MYH9: variants seen among roughly 807,000 people sequenced by gnomAD.
The protein encoded by MYH9 is myosin heavy chain 9.
MYH9 carries 29 observed loss-of-function variants against 241.9 expected under a neutral mutation model. The observed-to-expected ratio is 0.12, with a 90% CI of 0.09 to 0.16. The LOEUF (loss-of-function observed/expected upper bound fraction) is 0.16, where lower values mean the gene tolerates loss of function less well. Ranked by LOEUF, MYH9 falls within the 10% of genes least tolerant of loss-of-function variation. The pLI, the probability that MYH9 is intolerant of heterozygous loss-of-function variation, is 1.00. For synonymous variants in MYH9, 1,047 were observed against 1,062.6 expected, an observed-to-expected ratio of 0.99 and a Z score of 0.29; for missense variants, 1,803 against 2,595.5, an observed-to-expected ratio of 0.69 and a Z score of 6.63.
In MYH9 at chr22:36,300,781, C is replaced by T; in HGVS notation, c.2838+70G>A. The T allele has an allele frequency of 6.4e-7, 1 of 1,561,920 alleles. No individual in the cohort carries two copies. Among genetic ancestry groups the T allele is most frequent in the Non-Finnish European group, 8.7e-7 (1 of 1,148,710 alleles). On this transcript the variant is annotated intron_variant, in intron 22 of 40. Transcript: ENST00000216181. The surrounding 1 kb of genome is among the most constrained non-coding windows in gnomAD (Gnocchi z 5.0). ...CCCTAATTCCATGTTCTCCCAGCTC[C>T]TGGTTCCTGCTCCTCCGCCCCGCCC...
intron 27 of MYH9, 30 bp downstream of exon 27, chr22:36,294,902 T>G: frequency 6.2e-7 from 1 of 1,607,908 alleles, no homozygotes; most frequent in East Asian, 2.2e-5. Flanking sequence ...AACCCTGCCC[T>G]CCCCCTGCGG....
chr22:36,344,026 C>T (rs902610466), intron 2 of MYH9, among the ~76,000 whole-genome samples: 1 of 152,246 alleles, frequency 6.6e-6, no homozygotes, highest in African/African-American at 2.4e-5. Flanking sequence ...GTCATTAGGA[C>T]AAGTCTTTCT....
chr22:36,380,032 G>A (rs1469910120), intron 1 of MYH9, among the ~76,000 whole-genome samples: 1 of 152,236 alleles, frequency 6.6e-6, no homozygotes, highest in East Asian at 1.9e-4. Flanking sequence ...AGGGAGCTGG[G>A]TACAGATACA....
intron 1 of MYH9, among the ~76,000 whole-genome samples, 173 bp downstream of exon 1, chr22:36,387,634 C>T (rs1162311123): frequency 6.6e-6 from 1 of 151,538 alleles, no homozygotes; most frequent in African/African-American, 2.4e-5. Context: ...GGTCCCGGTC[C>T]CCCTGGGAAG....
intron 2 of MYH9, among the ~76,000 whole-genome samples, chr22:36,341,973 A>C (rs946309829): frequency 1.3e-5 from 2 of 152,242 alleles, no homozygotes; most frequent in Non-Finnish European, 2.9e-5. Flanking sequence ...GGACGCTGAG[A>C]GATAGTGAAG....
intron 3 of MYH9, among the ~76,000 whole-genome samples, chr22:36,340,898 G>A (rs572553845): frequency 6.6e-6 from 1 of 152,226 alleles, no homozygotes; most frequent in South Asian, 2.1e-4. Context: ...TCACTGCGAT[G>A]GAACAGAAGG....
At chr22:36,386,569 CCCAGAAAA>C (rs2018354042) in intron 1 of MYH9, among the ~76,000 whole-genome samples, 1 of 152,208 alleles carries the variant, frequency 6.6e-6, no homozygotes, top group Non-Finnish European at 1.5e-5. Context: ...TCCTGTTAAA[CCCAGAAAA>C]GGGCGCAGTG....
chr22:36,378,053 T>C lies in MYH9; in HGVS notation c.-20+9754A>G, dbSNP rs141346552. Among the ~76,000 whole-genome samples, 236 of 152,090 alleles carry C rather than the reference T, an allele frequency of 1.6e-3. 1 individual carries two copies. Among genetic ancestry groups the C allele is most frequent in the African/African-American group, 5.5e-3 (230 of 41,482 alleles). Reference sequence around the variant, plus strand: ...ACTTTGGGAGGCCAAGGCAGGTAGATTGCTTGAGCTCAGGAGTTTGAGACA... The same window carrying C: ...ACTTTGGGAGGCCAAGGCAGGTAGACTGCTTGAGCTCAGGAGTTTGAGACA... On this transcript the variant is annotated intron_variant, in intron 1 of 40. Coordinates refer to ENST00000216181, the MANE Select transcript of MYH9 (RefSeq NM_002473.6).
intron 3 of MYH9, among the ~76,000 whole-genome samples, chr22:36,333,175 C>T (rs2017450030): frequency 6.6e-6 from 1 of 152,326 alleles, no homozygotes; most frequent in South Asian, 2.1e-4. Context: ...CACAAACAGG[C>T]CTGCAAAGAC....
At chr22:36,367,317 G>A (rs1215501172) in intron 1 of MYH9, among the ~76,000 whole-genome samples, 6 of 152,106 alleles carry the variant, frequency 3.9e-5, no homozygotes, top group Non-Finnish European at 7.4e-5. Flanking sequence ...GGGTGCCCTG[G>A]ACTCCAGGAA....
chr22:36,364,992 C>T (rs912571401), intron 1 of MYH9: 3 of 150,222 alleles, frequency 2.0e-5, no homozygotes, highest in African/African-American at 4.9e-5. Context: ...AGCCCCCACC[C>T]CCACCCCCAC....
rs1052897119 is a variant in MYH9, at chr22:36,320,996, A to G, written c.770-100T>C. The G allele has an allele frequency of 5.6e-5, 52 of 933,136 alleles. No homozygotes were observed. In the Admixed American group the frequency reaches 1.0e-3, roughly 18 times the overall value. The allele number at this position is 933,136 out of a possible 1,614,324, so 57.8% of individuals were successfully genotyped here. On this transcript the variant is annotated intron_variant, in intron 7 of 40. Transcript: ENST00000216181. This position sits in a 1 kb window ranked among gnomAD's most constrained non-coding sequence, Gnocchi z 4.8. ...GAGACAGAGTCTCGCTCTGTCACCCAGGTTGGAGTGCAGTGGCATGATCTC... is the reference window on the plus strand; with the variant it reads ...GAGACAGAGTCTCGCTCTGTCACCCGGGTTGGAGTGCAGTGGCATGATCTC...
At chr22:36,308,798 G>A (rs1017592475) in intron 15 of MYH9, 21 of 984,148 alleles carry the variant, frequency 2.1e-5, no homozygotes, top group Non-Finnish European at 2.5e-5. Context: ...CCACTCGGGC[G>A]GCCAGTCACC....
chr22:36,348,047 ATAAT>A (rs2017705246), intron 2 of MYH9, among the ~76,000 whole-genome samples: 1 of 146,424 alleles, frequency 6.8e-6, no homozygotes, highest in Admixed American at 6.9e-5. Context: ...TTTTAATAAT[ATAAT>A]AAATAATAAA....
chr22:36,286,624 G>A, intron 35 of MYH9, 94 bp downstream of exon 35: 1 of 1,549,952 alleles, frequency 6.5e-7, no homozygotes, highest in Non-Finnish European at 8.8e-7. Context: ...CTGGAGCCCA[G>A]TAGGACTCCA....
chr22:36,375,902 AT>A (rs542090492), intron 1 of MYH9, among the ~76,000 whole-genome samples: 87 of 149,520 alleles, frequency 5.8e-4, no homozygotes, highest in Non-Finnish European at 1.1e-3. Context: ...AAAGATAATA[AT>A]TTTTTAAAAG....
intron 24 of MYH9, 42 bp downstream of exon 24, chr22:36,298,877 C>T (rs1238077253): frequency 5.0e-6 from 8 of 1,610,238 alleles, no homozygotes; most frequent in Non-Finnish European, 4.2e-6. Context: ...AGCCCTTGCC[C>T]GCCAGCCCCT....
chr22:36,319,202 A>G (rs2146362036), intron 10 of MYH9, among the ~76,000 whole-genome samples: 1 of 152,334 alleles, frequency 6.6e-6, no homozygotes, highest in South Asian at 2.1e-4. Flanking sequence ...TGGCAAGGAC[A>G]TAATTTCAAG....
rs1348678369 is a variant in MYH9, at chr22:36,301,602, C to T, written c.2563G>A (p.Val855Met). ...EEMMAKEEEL[V>M]KVREKQLAAE... ...GCCAGCTGCTTCTCTCTGACCTTCA[C>T]CAGCTCCTCCTCCTTGGCCATCATC... The change falls in exon 21 of 41, where the codon GTG (valine) becomes ATG (methionine). Residue 855 changes from valine (V) to methionine (M), a missense_variant. Physicochemically the swap from Val to Met is conservative, Grantham distance 21. Transcript: ENST00000216181. The T allele has an allele frequency of 2.5e-6, 4 of 1,613,910 alleles. No individual in the cohort carries two copies. The highest frequency in any genetic ancestry group is 3.4e-6 in the Non-Finnish European group (4 of 1,180,044).
Sources: allele counts gnomAD v4.1 joint callset (sites outside exome capture counted in the v4.1 genomes callset), GRCh38; gene constraint gnomAD v4.1.1; non-coding constraint Gnocchi (gnomAD v3.1); transcripts MANE v1.5; gene names NCBI Gene and HGNC (gene_info 2026-07-23, HGNC 2026-07-21).